The following PRKCE variants were observed in gnomAD, a reference collection of about 807,000 sequenced individuals.
PRKCE encodes protein kinase C epsilon.
PRKCE carries 16 observed loss-of-function variants against 85.4 expected under a neutral mutation model. The observed-to-expected ratio is 0.19, with a 90% CI of 0.13 to 0.28. The LOEUF (loss-of-function observed/expected upper bound fraction) is 0.28. Among genes scored for constraint, PRKCE ranks in the 10% least tolerant of loss-of-function variants. The pLI is 1.00. For missense variants in PRKCE, 573 were observed against 975.2 expected (o/e 0.59, Z 5.49); for synonymous variants, 388 against 371.5 (o/e 1.04, Z -0.51).
chr2:45,763,666 G>T (rs1055136771), intron 1 of PRKCE, among the ~76,000 whole-genome samples: 1 of 152,020 alleles, frequency 6.6e-6, no homozygotes, highest in African/African-American at 2.4e-5. Flanking sequence ...CTAGTCTCAG[G>T]CTCCCTCCGC....
intron 11 of PRKCE, among the ~76,000 whole-genome samples, chr2:46,103,444 A>C (rs532246678): frequency 6.6e-6 from 1 of 152,336 alleles, no homozygotes; most frequent in East Asian, 1.9e-4. Context: ...AGTCCCTCTC[A>C]AAGGACAGAA....
chr2:45,753,110 C>G (rs1054172807), intron 1 of PRKCE, among the ~76,000 whole-genome samples: 1 of 152,108 alleles, frequency 6.6e-6, no homozygotes, highest in African/African-American at 2.4e-5. Flanking sequence ...CATGTATATA[C>G]CGCTGTCGTG....
chr2:46,003,126 G>A (rs1157223805), intron 7 of PRKCE, among the ~76,000 whole-genome samples: 1 of 152,168 alleles, frequency 6.6e-6, no homozygotes, highest in Non-Finnish European at 1.5e-5. Flanking sequence ...TGCCAAAATT[G>A]GGAAAAACCA....
chr2:46,153,682 G>A (rs1314678014), intron 13 of PRKCE, among the ~76,000 whole-genome samples: 20 of 152,136 alleles, frequency 1.3e-4, no homozygotes, highest in East Asian at 3.8e-4. Flanking sequence ...GAGTGGGCAC[G>A]AGGAGGGTGA....
At chr2:45,954,116 C>A (rs1700814014) in intron 2 of PRKCE, among the ~76,000 whole-genome samples, 2 of 152,196 alleles carry the variant, frequency 1.3e-5, no homozygotes, top group South Asian at 4.1e-4. Flanking sequence ...TCTCCTTGGT[C>A]CTGCTCCCAC....
At chr2:46,072,010 A>G (rs188689863) in intron 10 of PRKCE, among the ~76,000 whole-genome samples, 1 of 152,200 alleles carries the variant, frequency 6.6e-6, no homozygotes, top group Non-Finnish European at 1.5e-5. Flanking sequence ...CAGCACAACA[A>G]TGGTTCAACA....
chr2:45,830,072 C>CAAAA (rs34553119), intron 1 of PRKCE, among the ~76,000 whole-genome samples: 1 of 108,892 alleles, frequency 9.2e-6, no homozygotes, highest in African/African-American at 3.6e-5. Flanking sequence ...GACTCCGTCT[C>CAAAA]AAAAAAAAAA....
intron 2 of PRKCE, among the ~76,000 whole-genome samples, chr2:45,933,566 C>T (rs570800222): frequency 6.6e-5 from 10 of 151,216 alleles, no homozygotes; most frequent in East Asian, 5.8e-4. Flanking sequence ...CTCCACCTCC[C>T]GGGTTCACGC....
intron 1 of PRKCE, among the ~76,000 whole-genome samples, chr2:45,704,462 A>G (rs572845683): frequency 6.6e-6 from 1 of 152,310 alleles, no homozygotes; most frequent in Admixed American, 6.5e-5. Flanking sequence ...TTCAGAACTC[A>G]AATCCTAAAG....
chr2:45,810,564 C>T lies in PRKCE; in HGVS notation c.349-32436C>T, dbSNP rs75554020. ...AACGAATATTCCACTGCAATGTTAA[C>T]TTCATCTCCATTGGACATCATTTGC... is the stretch of plus-strand genomic sequence containing the variant. On this transcript the variant is annotated intron_variant, in intron 1 of 14. Coordinates refer to ENST00000306156, the MANE Select transcript of PRKCE (RefSeq NM_005400.3). Among the ~76,000 whole-genome samples the T allele has an allele frequency of 6.2e-3, 942 of 152,022 alleles. 6 individuals are homozygous for T. Among genetic ancestry groups the T allele is most frequent in the African/African-American group, 0.021 (889 of 41,464 alleles).
intron 2 of PRKCE, among the ~76,000 whole-genome samples, chr2:45,935,067 T>TCTCTCTCTCACA (rs34264556): frequency 2.1e-5 from 3 of 146,248 alleles, no homozygotes; most frequent in African/African-American, 7.7e-5. Flanking sequence ...ACTCTCTCTC[T>TCTCTCTCTCACA]CACACACACA....
chr2:45,821,660 A>C (rs1056382713), intron 1 of PRKCE, among the ~76,000 whole-genome samples: 1 of 152,174 alleles, frequency 6.6e-6, no homozygotes, highest in African/African-American at 2.4e-5. Context: ...GATGGTGGCC[A>C]GGGGAGCCCG....
intron 11 of PRKCE, among the ~76,000 whole-genome samples, chr2:46,100,856 TTTCTC>T (rs146774630): frequency 1.8e-4 from 27 of 151,500 alleles, no homozygotes; most frequent in African/African-American, 4.9e-4. Flanking sequence ...CCTTTTCTTT[TTTCTC>T]TTCTCTTCTC....
intron 1 of PRKCE, among the ~76,000 whole-genome samples, chr2:45,824,376 A>G (rs540508052): frequency 6.6e-6 from 1 of 152,194 alleles, no homozygotes; most frequent in East Asian, 1.9e-4. Flanking sequence ...TAAAAGCACC[A>G]CCACCTGCTA....
At chr2:46,162,343 A>C (rs1345069972) in intron 14 of PRKCE, among the ~76,000 whole-genome samples, 1 of 152,180 alleles carries the variant, frequency 6.6e-6, no homozygotes, top group Non-Finnish European at 1.5e-5. Flanking sequence ...GGAAGCTTTC[A>C]GGGTCCTTAT....
chr2:45,808,441 C>T (rs1688411903), intron 1 of PRKCE, among the ~76,000 whole-genome samples: 1 of 152,230 alleles, frequency 6.6e-6, no homozygotes, highest in South Asian at 2.1e-4. Flanking sequence ...AGATGCCCAA[C>T]TTTTCACATC....
chr2:45,749,061 T>C (rs924862237), intron 1 of PRKCE, among the ~76,000 whole-genome samples: 6 of 152,152 alleles, frequency 3.9e-5, no homozygotes, highest in African/African-American at 1.4e-4. Flanking sequence ...AGCTAATTTT[T>C]GTATTTTTAG....
intron 2 of PRKCE, among the ~76,000 whole-genome samples, chr2:45,912,513 T>C (rs73926112): frequency 0.016 from 2,395 of 152,012 alleles, 65 homozygotes; most frequent in African/African-American, 0.054. Flanking sequence ...AGGGCCTTGA[T>C]TGGGGAAGGC....
In PRKCE at chr2:46,162,514, G is replaced by C. The variant is rs142707327; in HGVS notation, c.2067+2762G>C. ...CTCTCCCTGCCTCCCCAGACCTTCAGAGTTAACCTCAATGCTCAGTGCTGT... is the reference window on the plus strand; with the variant it reads ...CTCTCCCTGCCTCCCCAGACCTTCACAGTTAACCTCAATGCTCAGTGCTGT... On this transcript the variant is annotated intron_variant, in intron 14 of 14. Coordinates refer to ENST00000306156, the MANE Select transcript of PRKCE (RefSeq NM_005400.3). 4.8e-3 allele frequency among the ~76,000 whole-genome samples: 734 copies of C among 152,246 alleles called. 8 individuals carry two copies. The highest frequency in any genetic ancestry group is 0.017 in the African/African-American group (698 of 41,534).
Sources: gnomAD v4.1 joint callset for allele counts (sites outside exome capture counted in the v4.1 genomes callset) on GRCh38, gnomAD v4.1.1 for gene constraint, MANE v1.5 for transcripts, NCBI Gene and HGNC (gene_info 2026-07-23, HGNC 2026-07-21) for gene names.